Variants in MB21D2 observed in about 807,000 individuals in gnomAD.
MB21D2 encodes the protein nucleotidyltransferase MB21D2.
Under a neutral mutation model 33.3 loss-of-function variants are expected in MB21D2, and 9 were observed. That is an observed-to-expected ratio of 0.27 (90% CI 0.16 to 0.47). MB21D2 has a LOEUF of 0.47. MB21D2 is among the 20% of genes least tolerant of loss of function. MB21D2 has a pLI of 0.99. For synonymous variants in MB21D2, 241 were observed against 236.3 expected (o/e 1.02, Z -0.18); for missense variants, 540 against 624.6 (o/e 0.86, Z 1.44).
chr3:192,840,415 C>CTTT (rs71177380), intron 1 of MB21D2, among the ~76,000 whole-genome samples: 6 of 88,292 alleles, frequency 6.8e-5, no homozygotes, highest in African/African-American at 1.3e-4. Flanking sequence ...TCTCTTTTTT[C>CTTT]TTTTTTTTTT....
At chr3:192,821,068 T>C (rs1712042097) in intron 1 of MB21D2, among the ~76,000 whole-genome samples, 1 of 152,164 alleles carries the variant, frequency 6.6e-6, no homozygotes, top group African/African-American at 2.4e-5. Flanking sequence ...TTACGTACCC[T>C]TCAAATAACA....
At chr3:192,874,677 A>G (rs1713390647) in intron 1 of MB21D2, among the ~76,000 whole-genome samples, 1 of 152,142 alleles carries the variant, frequency 6.6e-6, no homozygotes, top group African/African-American at 2.4e-5. Flanking sequence ...TGGAAAGCTG[A>G]CCTCTATGGA....
chr3:192,885,612 C>T (rs762458795), intron 1 of MB21D2, among the ~76,000 whole-genome samples: 7 of 152,058 alleles, frequency 4.6e-5, no homozygotes, highest in African/African-American at 9.7e-5. Flanking sequence ...ATCTTTAAAA[C>T]CACCATTCGT....
At chr3:192,900,282 C>G (rs1382336007) in intron 1 of MB21D2, among the ~76,000 whole-genome samples, 1 of 66,662 alleles carries the variant, frequency 1.5e-5, no homozygotes, top group Non-Finnish European at 2.7e-5. Context: ...AAGACTCTGT[C>G]TCAAAAAAAA....
At chr3:192,878,734 C>T (rs989217224) in intron 1 of MB21D2, among the ~76,000 whole-genome samples, 7 of 152,226 alleles carry the variant, frequency 4.6e-5, no homozygotes, top group South Asian at 2.1e-4. Flanking sequence ...GAGGCCAAGG[C>T]GAGCGGATCG....
chr3:192,877,877 G>C (rs773221670), intron 1 of MB21D2, among the ~76,000 whole-genome samples: 1 of 151,784 alleles, frequency 6.6e-6, no homozygotes, highest in Non-Finnish European at 1.5e-5. Flanking sequence ...GGGCATTTCT[G>C]TTGTCAGAAC....
chr3:192,905,024 G>C (rs953083875), intron 1 of MB21D2, among the ~76,000 whole-genome samples: 1 of 152,224 alleles, frequency 6.6e-6, no homozygotes, highest in Non-Finnish European at 1.5e-5. Flanking sequence ...GCACACCAAG[G>C]GCACAGTTGA....
chr3:192,816,875 T>TA (rs34663778), intron 1 of MB21D2, among the ~76,000 whole-genome samples: 13,377 of 149,934 alleles, frequency 0.089, 602 homozygotes, highest in Middle Eastern at 0.14. Flanking sequence ...GTTTCCCCAT[T>TA]AAAAAAAAAA....
At chr3:192,817,237 C>T (rs1274220364) in intron 1 of MB21D2, among the ~76,000 whole-genome samples, 1 of 152,134 alleles carries the variant, frequency 6.6e-6, no homozygotes, top group Non-Finnish European at 1.5e-5. Context: ...TTTGAGTCAC[C>T]CCTTTATTAC....
At chr3:192,833,483 G>C (rs1174617621) in intron 1 of MB21D2, among the ~76,000 whole-genome samples, 1 of 152,166 alleles carries the variant, frequency 6.6e-6, no homozygotes, top group African/African-American at 2.4e-5. Flanking sequence ...TGTGCCTTCA[G>C]TTTCGCAACA....
At chr3:192,857,998 G>A (rs980392700) in intron 1 of MB21D2, among the ~76,000 whole-genome samples, 2 of 152,092 alleles carry the variant, frequency 1.3e-5, no homozygotes, top group Non-Finnish European at 2.9e-5. Context: ...GGTGGTGCAT[G>A]CCTGTAATCC....
At chr3:192,814,666 T>TC (rs1336553739) in intron 1 of MB21D2, among the ~76,000 whole-genome samples, 1 of 151,786 alleles carries the variant, frequency 6.6e-6, no homozygotes, top group Non-Finnish European at 1.5e-5. Context: ...ATCGAGACCA[T>TC]CCTGGCTAAC....
At chr3:192,913,099 TC>T (rs2108657102) in intron 1 of MB21D2, among the ~76,000 whole-genome samples, 1 of 152,280 alleles carries the variant, frequency 6.6e-6, no homozygotes, top group Admixed American at 6.5e-5. Flanking sequence ...CAGAAATAAT[TC>T]CAATTTAAGT....
rs1367044766 is a variant in MB21D2, at chr3:192,798,563, G to A, written c.1299C>T (p.Ser433=). The change falls in exon 2 of 2, where the codon AGC becomes AGT. Residue 433 remains serine, a synonymous_variant. Transcript: ENST00000392452. The surrounding 1 kb of genome is among the most constrained non-coding windows in gnomAD (Gnocchi z 4.8). ...ACTGTGGAGAGGGGATGCTGGTGGT[G>A]CTACCTCGCCTCTGGAGCTCCAGTG... ...RLTLELQRRG[S]TTSIPSPQSD... is the part of the protein sequence containing the mutation. The A allele has an allele frequency of 3.7e-6, 6 of 1,614,180 alleles. No individual in the cohort carries two copies. The Admixed American group carries it at 1.0e-4, about 27-fold the overall frequency.
At chr3:192,825,465 A>AG (rs1236013662) in intron 1 of MB21D2, among the ~76,000 whole-genome samples, 1 of 151,112 alleles carries the variant, frequency 6.6e-6, no homozygotes, top group African/African-American at 2.5e-5. Context: ...ATGTTGGCAT[A>AG]GTGCCCATGA....
Position 192,820,823 on chromosome 3 carries a change from G to A in MB21D2, c.212-21173C>T, listed in dbSNP as rs565228655. ...TCTGTCACCCAGGCTGAAATGCAAC[G>A]GTGTGATCACGGCTCACTCCAGCCT... On this transcript the variant is annotated intron_variant, in intron 1 of 1. Coordinates refer to ENST00000392452, the MANE Select transcript of MB21D2 (RefSeq NM_178496.4). Among the ~76,000 whole-genome samples the A allele has an allele frequency of 4.6e-5, 7 of 152,254 alleles. 1 individual carries two copies. In the South Asian group the frequency reaches 8.3e-4, roughly 18 times the overall value.
At chr3:192,867,674 T>C (rs1468568437) in intron 1 of MB21D2, among the ~76,000 whole-genome samples, 1 of 152,198 alleles carries the variant, frequency 6.6e-6, no homozygotes, top group East Asian at 1.9e-4. Context: ...TGCATATTCT[T>C]TGACACTCTC....
chr3:192,899,420 T>C (rs1023945543), intron 1 of MB21D2, among the ~76,000 whole-genome samples: 4 of 151,990 alleles, frequency 2.6e-5, no homozygotes, highest in Admixed American at 2.6e-4. Flanking sequence ...TCCCAGCTAC[T>C]TGGGAGGCTG....
At chr3:192,897,530 C>T (rs1441410229) in intron 1 of MB21D2, among the ~76,000 whole-genome samples, 1 of 152,104 alleles carries the variant, frequency 6.6e-6, no homozygotes, top group Non-Finnish European at 1.5e-5. Context: ...GTGATTATGG[C>T]CATATAGGAA....
Sources: gnomAD v4.1 joint callset for allele counts (sites outside exome capture counted in the v4.1 genomes callset) on GRCh38, gnomAD v4.1.1 for gene constraint, Gnocchi (gnomAD v3.1) non-coding constraint, MANE v1.5 for transcripts, NCBI Gene and HGNC (gene_info 2026-07-23, HGNC 2026-07-21) for gene names.